The following DLGAP2 variants were observed in gnomAD, a reference collection of about 807,000 sequenced individuals.
DLGAP2 encodes DLG associated protein 2, also known as disks large-associated protein 2.
Under a neutral mutation model 100.3 loss-of-function variants are expected in DLGAP2, and 26 were observed. The ratio of observed to expected loss-of-function variants is 0.26; its 90% CI spans 0.19 to 0.36. The LOEUF (loss-of-function observed/expected upper bound fraction) is 0.36, where lower values mean the gene tolerates loss of function less well. Ranked by LOEUF, DLGAP2 falls within the 10% of genes least tolerant of loss-of-function variation. The pLI, the probability that DLGAP2 is intolerant of heterozygous loss-of-function variation, is 1.00. For synonymous variants in DLGAP2, 886 were observed against 630.1 expected (o/e 1.41, Z -6.08); for missense variants, 1,858 against 1,453.2 (o/e 1.28, Z -4.53).
chr8:1,481,478 T>TTTTTTTTTTTTTTTTTTTTTG (rs1799094207), intron 3 of DLGAP2, among the ~76,000 whole-genome samples: 1 of 131,320 alleles, frequency 7.6e-6, no homozygotes, highest in African/African-American at 2.9e-5. Flanking sequence ...TTTCTTTTTT[T>TTTTTTTTTTTTTTTTTTTTTG]TTTTTTTTTT....
intron 1 of DLGAP2, among the ~76,000 whole-genome samples, chr8:802,617 C>T (rs1796193973): frequency 6.6e-6 from 1 of 152,174 alleles, no homozygotes; most frequent in South Asian, 2.1e-4. Flanking sequence ...TCAGAACCCA[C>T]AGCCCCCGAG....
At chr8:1,447,087 C>G (rs1286046327) in intron 3 of DLGAP2, among the ~76,000 whole-genome samples, 1 of 152,172 alleles carries the variant, frequency 6.6e-6, no homozygotes, top group African/African-American at 2.4e-5. Flanking sequence ...CCTTTATTTC[C>G]TTCTCCTGCC....
chr8:1,590,478 T>C (rs1297793007), intron 6 of DLGAP2, among the ~76,000 whole-genome samples: 1 of 152,164 alleles, frequency 6.6e-6, no homozygotes, highest in Non-Finnish European at 1.5e-5. Context: ...ACCATGGTGA[T>C]TTTGCTGCTG....
intron 2 of DLGAP2, among the ~76,000 whole-genome samples, chr8:1,242,671 C>G (rs571878562): frequency 6.6e-6 from 1 of 152,282 alleles, no homozygotes; most frequent in Non-Finnish European, 1.5e-5. Flanking sequence ...TTAACATGCC[C>G]TCTCCTCCTT....
chr8:1,358,531 C>T (rs1019276657), intron 3 of DLGAP2, among the ~76,000 whole-genome samples: 2 of 152,158 alleles, frequency 1.3e-5, no homozygotes, highest in African/African-American at 4.8e-5. Flanking sequence ...TCCCTCTTTG[C>T]ATTCCTTAAC....
chr8:1,510,866 G>A (rs541040041), intron 4 of DLGAP2, among the ~76,000 whole-genome samples: 43 of 152,320 alleles, frequency 2.8e-4, no homozygotes, highest in African/African-American at 8.9e-4. Flanking sequence ...AACTGAGGTC[G>A]GTGTTACATA....
At chr8:1,342,876 C>T (rs1296942920) in intron 3 of DLGAP2, among the ~76,000 whole-genome samples, 1 of 152,210 alleles carries the variant, frequency 6.6e-6, no homozygotes, top group African/African-American at 2.4e-5. Context: ...CTTTTGCTTT[C>T]CTTCTAAACT....
chr8:1,166,196 A>G (rs1797012021), intron 2 of DLGAP2, among the ~76,000 whole-genome samples: 1 of 152,168 alleles, frequency 6.6e-6, no homozygotes, highest in African/African-American at 2.4e-5. Context: ...ATTTATTTAT[A>G]TATTTTAAAC....
chr8:1,337,545 G>GATC (rs1177864977), intron 3 of DLGAP2, among the ~76,000 whole-genome samples: 4 of 151,880 alleles, frequency 2.6e-5, no homozygotes, highest in Non-Finnish European at 2.9e-5. Flanking sequence ...TGATGATGAT[G>GATC]ATCATAATGG....
At chr8:1,416,424 C>G (rs1207403005) in intron 3 of DLGAP2, among the ~76,000 whole-genome samples, 1 of 152,180 alleles carries the variant, frequency 6.6e-6, no homozygotes, top group Non-Finnish European at 1.5e-5. Flanking sequence ...GCAAATTAAA[C>G]TTTTCCATAA....
intron 3 of DLGAP2, among the ~76,000 whole-genome samples, chr8:1,455,203 C>T (rs940489304): frequency 2.0e-5 from 3 of 152,366 alleles, no homozygotes; most frequent in South Asian, 4.1e-4. Flanking sequence ...TCAGTGAGTG[C>T]TCAAGGTCAC....
At chr8:1,653,725 G>A (rs1563282758) in intron 8 of DLGAP2, among the ~76,000 whole-genome samples, 1 of 100,496 alleles carries the variant, frequency 1.0e-5, no homozygotes, top group African/African-American at 3.7e-5. Context: ...TGAACTGCAG[G>A]GGCGGACTCC....
At chr8:1,107,269 G>A (rs1804807075) in intron 2 of DLGAP2, among the ~76,000 whole-genome samples, 1 of 152,138 alleles carries the variant, frequency 6.6e-6, no homozygotes. Flanking sequence ...AGAGGCTGGA[G>A]GTGAGGGTGA....
chr8:1,381,855 A>G (rs1796104949), intron 3 of DLGAP2, among the ~76,000 whole-genome samples: 1 of 151,422 alleles, frequency 6.6e-6, no homozygotes, highest in Admixed American at 6.6e-5. Context: ...GAGCGTAGCC[A>G]TTCAGATAGG....
At chr8:1,106,836 C>G (rs1452485354) in intron 2 of DLGAP2, among the ~76,000 whole-genome samples, 3 of 152,084 alleles carry the variant, frequency 2.0e-5, no homozygotes, top group African/African-American at 7.2e-5. Context: ...GTGAGTGACA[C>G]CTGTGATGAA....
At chr8:1,554,876 A>C (rs1426794553) in intron 5 of DLGAP2, among the ~76,000 whole-genome samples, 3 of 151,700 alleles carry the variant, frequency 2.0e-5, no homozygotes, top group African/African-American at 7.3e-5. Flanking sequence ...CAATAGTTCT[A>C]ACAAGCTTCT....
At chr8:1,246,063 C>G (rs1798895300) in intron 2 of DLGAP2, among the ~76,000 whole-genome samples, 2 of 152,164 alleles carry the variant, frequency 1.3e-5, no homozygotes, top group Non-Finnish European at 2.9e-5. Context: ...CTATCAGTGT[C>G]TATATTTTAA....
chr8:1,425,971 G>T (rs1797226789), intron 3 of DLGAP2, among the ~76,000 whole-genome samples: 1 of 152,364 alleles, frequency 6.6e-6, no homozygotes, highest in East Asian at 1.9e-4. Context: ...GTGGCTGGAG[G>T]ACAGCACTGA....
At chr8:928,854 C>T (rs867229675) in intron 2 of DLGAP2, among the ~76,000 whole-genome samples, 14 of 151,998 alleles carry the variant, frequency 9.2e-5, no homozygotes, top group Admixed American at 7.9e-4. Flanking sequence ...GCACTGAGGC[C>T]GTAAGTGGGT....
Sources: gnomAD v4.1 joint callset for allele counts (sites outside exome capture counted in the v4.1 genomes callset) on GRCh38, gnomAD v4.1.1 for gene constraint, MANE v1.5 for transcripts, NCBI Gene and HGNC (gene_info 2026-07-23, HGNC 2026-07-21) for gene names.